VAV2: variants seen among roughly 807,000 people sequenced by gnomAD.
The protein encoded by VAV2 is vav guanine nucleotide exchange factor 2.
A neutral mutation model predicts 132.5 loss-of-function variants in VAV2; 67 were observed. The ratio of observed to expected loss-of-function variants is 0.51; its 90% CI spans 0.42 to 0.62. The LOEUF is 0.62. Ranked by LOEUF, VAV2 falls within the 20% of genes least tolerant of loss-of-function variation. The probability of loss-of-function intolerance (pLI) is 0.00; values close to 1 mark genes in which losing one functional copy is unlikely to be tolerated. For synonymous variants in VAV2, 492 were observed against 443.5 expected (o/e 1.11, Z -1.37); for missense variants, 938 against 1,153.6 (o/e 0.81, Z 2.71).
chr9:133,913,244 C>T (rs111374974), intron 2 of VAV2, among the ~76,000 whole-genome samples: 1,834 of 152,298 alleles, frequency 0.012, 30 homozygotes, highest in African/African-American at 0.041. Flanking sequence ...TCATAGCTGG[C>T]GCCACGGCCC....
At chr9:133,933,906 A>ATGGATGGATGGG (rs1840796695) in intron 2 of VAV2, among the ~76,000 whole-genome samples, 3 of 134,958 alleles carry the variant, frequency 2.2e-5, no homozygotes, top group Non-Finnish European at 3.2e-5. Flanking sequence ...GGATGGGTGG[A>ATGGATGGATGGG]TGGATGGATG....
chr9:133,810,293 C>A, intron 5 of VAV2, 88 bp from the exon 6 acceptor site: 5 of 1,589,148 alleles, frequency 3.1e-6, no homozygotes, highest in Non-Finnish European at 3.4e-6. Flanking sequence ...ATCAGGAACG[C>A]CACCCCACAA....
chr9:133,812,802 T>G (rs1169222579), intron 4 of VAV2, among the ~76,000 whole-genome samples: 1 of 152,198 alleles, frequency 6.6e-6, no homozygotes, highest in Non-Finnish European at 1.5e-5. Flanking sequence ...AAGCTTTGTT[T>G]TAGCTCATGG....
At chr9:133,989,227 G>A (rs998528815) in intron 1 of VAV2, among the ~76,000 whole-genome samples, 8 of 151,796 alleles carry the variant, frequency 5.3e-5, no homozygotes, top group Non-Finnish European at 1.0e-4. Flanking sequence ...CATCCCAGCC[G>A]ACTTGGGAGG....
chr9:133,773,585 T>C (rs1316321409), intron 25 of VAV2, among the ~76,000 whole-genome samples: 1 of 150,544 alleles, frequency 6.6e-6, no homozygotes, highest in Non-Finnish European at 1.5e-5. Flanking sequence ...CACAAACATA[T>C]TACACAGCTG....
In VAV2 at chr9:133,840,278, A is replaced by G. The variant is rs1392635440; in HGVS notation, c.381-5938T>C. ...TTCCCACTGCACCGCCGAGGGGACG[A>G]AGCAGATGTCCGCACAGGAAGCAGA... is the stretch of plus-strand genomic sequence containing the variant. On this transcript the variant is annotated intron_variant, in intron 3 of 29. Coordinates refer to ENST00000371850, the MANE Select transcript of VAV2 (RefSeq NM_001134398.2). The surrounding 1 kb of genome is among the most constrained non-coding windows in gnomAD (Gnocchi z 4.5). 6.6e-6 allele frequency among the ~76,000 whole-genome samples: 1 copy of G among 152,174 alleles called. No individual in the cohort carries two copies. The highest frequency in any genetic ancestry group is 1.5e-5 in the Non-Finnish European group (1 of 68,026).
intron 2 of VAV2, among the ~76,000 whole-genome samples, chr9:133,896,362 G>A (rs958265251): frequency 1.2e-4 from 18 of 152,146 alleles, no homozygotes; most frequent in African/African-American, 3.4e-4. Flanking sequence ...GCTGAGACAG[G>A]AGAATCTCTT....
At chr9:133,906,477 A>G (rs890000325) in intron 2 of VAV2, among the ~76,000 whole-genome samples, 5 of 152,202 alleles carry the variant, frequency 3.3e-5, no homozygotes, top group South Asian at 2.1e-4. Context: ...CCAAGCAGGA[A>G]GGCTGCAGAG....
At chr9:133,776,219 GC>G in intron 23 of VAV2, 139 bp from the exon 24 acceptor site, 1 of 1,227,208 alleles carries the variant, frequency 8.1e-7, no homozygotes, top group Non-Finnish European at 1.1e-6. Flanking sequence ...TAGCCCCAGC[GC>G]CCCTGGCCTG....
chr9:133,893,171 T>C (rs1839049364), intron 2 of VAV2, among the ~76,000 whole-genome samples: 1 of 152,152 alleles, frequency 6.6e-6, no homozygotes, highest in African/African-American at 2.4e-5. Context: ...AGACTCCTCT[T>C]GCCACCCTCC....
intron 2 of VAV2, among the ~76,000 whole-genome samples, chr9:133,882,012 C>G (rs760791898): frequency 6.6e-6 from 1 of 152,194 alleles, no homozygotes; most frequent in Non-Finnish European, 1.5e-5. Flanking sequence ...TCAACCTAGT[C>G]TCCACTGACT....
At chr9:133,836,364 A>G (rs1588245559) in intron 3 of VAV2, among the ~76,000 whole-genome samples, 3 of 152,208 alleles carry the variant, frequency 2.0e-5, no homozygotes, top group Non-Finnish European at 4.4e-5. Flanking sequence ...CCGCTCCCGC[A>G]CCAGCCCCTC....
chr9:133,871,451 T>C (rs1564423250), intron 2 of VAV2, among the ~76,000 whole-genome samples: 1 of 147,808 alleles, frequency 6.8e-6, no homozygotes, highest in Non-Finnish European at 1.5e-5. Flanking sequence ...GATGGATGGA[T>C]GGATGGATGG....
rs114682225 is a variant in VAV2 at position 133,935,268 on chromosome 9, C to A, written c.321+3835G>T. ...AAGATGAATCTGGACGTGTAGGAAA[C>A]GCTCAGTAAATGCCCCGAAAAAATG... On this transcript the variant is annotated intron_variant, in intron 2 of 29. Transcript: ENST00000371850. The surrounding 1 kb of genome is among the most constrained non-coding windows in gnomAD (Gnocchi z 5.2). Among the ~76,000 whole-genome samples the A allele has an allele frequency of 6.6e-6, 1 of 152,118 alleles. No homozygotes were observed. The highest frequency in any genetic ancestry group is 2.4e-5 in the African/African-American group (1 of 41,408).
At chr9:133,889,629 C>G (rs1043795114) in intron 2 of VAV2, among the ~76,000 whole-genome samples, 2 of 152,194 alleles carry the variant, frequency 1.3e-5, no homozygotes. Flanking sequence ...TGCACAAATA[C>G]ATTAAGCCAG....
At chr9:133,929,112 A>T (rs967211132) in intron 2 of VAV2, among the ~76,000 whole-genome samples, 1 of 152,112 alleles carries the variant, frequency 6.6e-6, no homozygotes, top group African/African-American at 2.4e-5. Context: ...CAGCTGCGAG[A>T]CCTGAAGCAA....
chr9:133,907,888 G>T (rs1248999676), intron 2 of VAV2, among the ~76,000 whole-genome samples: 1 of 102,362 alleles, frequency 9.8e-6, no homozygotes, highest in Admixed American at 1.2e-4. Flanking sequence ...CTCCCCCAGA[G>T]AGTGGAGGGA....
chr9:133,949,184 G>A (rs1373887768), intron 1 of VAV2, among the ~76,000 whole-genome samples: 2 of 152,164 alleles, frequency 1.3e-5, no homozygotes, highest in Non-Finnish European at 2.9e-5. Flanking sequence ...CTCGGCACTG[G>A]TAGAGGAAGC....
intron 3 of VAV2, among the ~76,000 whole-genome samples, chr9:133,835,723 C>A (rs183982477): frequency 3.3e-5 from 5 of 152,176 alleles, no homozygotes; most frequent in Non-Finnish European, 7.3e-5. Context: ...CGGTCCGTCC[C>A]GGCAGCCCCG....
Sources: gnomAD v4.1 joint callset for allele counts (sites outside exome capture counted in the v4.1 genomes callset) on GRCh38, gnomAD v4.1.1 for gene constraint, Gnocchi (gnomAD v3.1) non-coding constraint, MANE v1.5 for transcripts, NCBI Gene and HGNC (gene_info 2026-07-23, HGNC 2026-07-21) for gene names.